Variants in KCTD20 observed in about 807,000 individuals in gnomAD.
KCTD20 encodes BTB/POZ domain-containing protein KCTD20.
A neutral mutation model predicts 39.6 loss-of-function variants in KCTD20; 30 were observed. The observed-to-expected ratio is 0.76, with a 90% CI of 0.57 to 1.03. The LOEUF (loss-of-function observed/expected upper bound fraction) is 1.03. Ranked by LOEUF, KCTD20 falls within the 50% of genes least tolerant of loss-of-function variation. KCTD20 has a pLI of 0.00. For missense variants in KCTD20, 422 were observed against 522.0 expected, an observed-to-expected ratio of 0.81 and a Z score of 1.87; for synonymous variants, 162 against 180.6, an observed-to-expected ratio of 0.90 and a Z score of 0.83.
chr6:36,470,276 G>A lies in KCTD20; in HGVS notation c.160+19G>A. 2 of 1,577,070 alleles carry A rather than the reference G, an allele frequency of 1.3e-6. No individual in the cohort carries two copies. Among genetic ancestry groups the A allele is most frequent in the African/African-American group, 1.4e-5 (1 of 73,944 alleles). On this transcript the variant is annotated intron_variant, in intron 2 of 7. Transcript: ENST00000373731. ...AATGAAGGTACAGTGATTAACTCTT[G>A]ACTTAATTTGGGGGGCTTTCCAATA...
intron 1 of KCTD20, among the ~76,000 whole-genome samples, chr6:36,460,022 G>A (rs576236387): frequency 1.3e-3 from 196 of 152,260 alleles, no homozygotes; most frequent in African/African-American, 4.0e-3. Context: ...TACAGCCTAT[G>A]CAGTTGTTCC....
At chr6:36,449,901 A>G (rs1193307022) in intron 1 of KCTD20, among the ~76,000 whole-genome samples, 1 of 152,180 alleles carries the variant, frequency 6.6e-6, no homozygotes, top group Non-Finnish European at 1.5e-5. Context: ...GCGGTGGCTC[A>G]CGCCTGTAAT....
At chr6:36,452,380 T>C (rs1775281898) in intron 1 of KCTD20, among the ~76,000 whole-genome samples, 1 of 152,168 alleles carries the variant, frequency 6.6e-6, no homozygotes. Context: ...TTCTAATTTT[T>C]CTAAGTCAGT....
At chr6:36,479,764 T>C in intron 5 of KCTD20, 53 bp downstream of exon 5, 1 of 1,462,768 alleles carries the variant, frequency 6.8e-7, no homozygotes, top group East Asian at 2.3e-5. Context: ...CTTTCAGTTT[T>C]CTTGGAAGTC....
At chr6:36,472,825 C>G (rs1178739902) in intron 2 of KCTD20, among the ~76,000 whole-genome samples, 2 of 151,928 alleles carry the variant, frequency 1.3e-5, no homozygotes, top group African/African-American at 4.8e-5. Context: ...TTCTGATTGT[C>G]TTCTATATAC....
At chr6:36,454,402 C>T (rs912520446) in intron 1 of KCTD20, among the ~76,000 whole-genome samples, 5 of 150,330 alleles carry the variant, frequency 3.3e-5, no homozygotes, top group South Asian at 2.1e-4. Flanking sequence ...AGTGCAGTGG[C>T]GTGATCTCAG....
intron 1 of KCTD20, among the ~76,000 whole-genome samples, chr6:36,458,974 A>G (rs2089654465): frequency 6.6e-6 from 1 of 151,860 alleles, no homozygotes; most frequent in Non-Finnish European, 1.5e-5. Context: ...TGACCACTAT[A>G]CTAATGAGGA....
At chr6:36,472,573 T>C (rs1775944759) in intron 2 of KCTD20, among the ~76,000 whole-genome samples, 1 of 150,434 alleles carries the variant, frequency 6.6e-6, no homozygotes, top group Non-Finnish European at 1.5e-5. Context: ...GAAGAAAAGA[T>C]AGAAAAATGT....
rs766717414 is a variant in KCTD20 at position 36,483,263 on chromosome 6, C to CTTTT, written c.857-1432_857-1429dup. 3.0e-3 allele frequency among the ~76,000 whole-genome samples: 227 copies of CTTTT among 76,706 alleles called. 1 individual carries two copies. The highest frequency in any genetic ancestry group is 8.1e-3 in the Middle Eastern group (1 of 124). 50.3% of individuals were successfully genotyped at this position (76,706 alleles called of 152,430 possible). A position where few individuals can be genotyped will look rare whatever the true frequency, so the allele number is the denominator to read the frequency against. The stretch of plus-strand genomic sequence containing the variant: ...CCCCTCACCAAAACAGTGGCTTTTT[C>CTTTT]TTTTTTTTTTTTTTTTTTTTTTGAG... On this transcript the variant is annotated intron_variant, in intron 6 of 7. Transcript: ENST00000373731.
chr6:36,477,857 G>A (rs930778006), intron 3 of KCTD20, among the ~76,000 whole-genome samples: 1 of 148,568 alleles, frequency 6.7e-6, no homozygotes, highest in Non-Finnish European at 1.5e-5. Flanking sequence ...TGTAATCCCA[G>A]CACTTTGGGA....
rs138671010 is a variant in KCTD20 at position 36,468,862 on chromosome 6, AG to A, written c.-46-1188del. Among the ~76,000 whole-genome samples the A allele has an allele frequency of 8.2e-3, 1,248 of 152,320 alleles. 24 individuals carry two copies. The highest frequency in any genetic ancestry group is 0.028 in the African/African-American group (1,167 of 41,570). Reference sequence around the variant, plus strand: ...TATCTCTTTAGCATGATTTATTTTCAGGCATATTCCTCTATCCATCCTATCA... The same window carrying A: ...TATCTCTTTAGCATGATTTATTTTCAGCATATTCCTCTATCCATCCTATCA... On this transcript the variant is annotated intron_variant, in intron 1 of 7. Transcript: ENST00000373731.
intron 1 of KCTD20, among the ~76,000 whole-genome samples, chr6:36,450,106 G>GGC (rs1163893661): frequency 1.3e-5 from 2 of 148,548 alleles, no homozygotes. Flanking sequence ...GGAGCTTGCA[G>GGC]TGAGCCGAGA....
Position 36,475,027 on chromosome 6 carries a change from G to T in KCTD20, c.399G>T (p.Gln133His). The T allele has an allele frequency of 6.2e-7, 1 of 1,614,168 alleles. No individual in the cohort carries two copies. The highest frequency in any genetic ancestry group is 8.5e-7 in the Non-Finnish European group (1 of 1,180,020). Residue 133 changes from glutamine to histidine, a missense_variant, in exon 3 of 8, where the codon CAG becomes CAT. By Grantham distance (24) the Gln-to-His change is conservative. Coordinates refer to ENST00000373731, the MANE Select transcript of KCTD20 (RefSeq NM_173562.5). ...VDGTRFVVNPQIFTAHPDTML... is the reference protein window; with the variant it reads ...VDGTRFVVNPHIFTAHPDTML... ...GCACACGTTTTGTTGTGAATCCACA[G>T]ATTTTCACTGCTCATCCGGATACCA...
intron 2 of KCTD20, among the ~76,000 whole-genome samples, chr6:36,472,768 ACTGC>A (rs1302461735): frequency 6.6e-6 from 1 of 152,050 alleles, no homozygotes; most frequent in Non-Finnish European, 1.5e-5. Flanking sequence ...ACTTGAGGAG[ACTGC>A]CTATTTAAAA....
rs955984859 is a variant in KCTD20 at position 36,483,680 on chromosome 6, A to T, written c.857-1034A>T. On this transcript the variant is annotated intron_variant, in intron 6 of 7. Coordinates refer to ENST00000373731, the MANE Select transcript of KCTD20 (RefSeq NM_173562.5). ...AGGTGTGTGCCACCATGATTGGCTAATTTTTTTTTTAATTTTGTGTAGAAA... is the reference window on the plus strand; with the variant it reads ...AGGTGTGTGCCACCATGATTGGCTATTTTTTTTTTTAATTTTGTGTAGAAA... Among the ~76,000 whole-genome samples the T allele has an allele frequency of 5.3e-5, 8 of 149,802 alleles. No homozygotes were observed. The East Asian group carries it at 1.6e-3, about 29-fold the overall frequency.
chr6:36,475,283 T>C (rs1776030905), intron 3 of KCTD20, among the ~76,000 whole-genome samples: 1 of 151,962 alleles, frequency 6.6e-6, no homozygotes, highest in African/African-American at 2.4e-5. Context: ...CTATCTCTAC[T>C]AAAAATACAA....
At chr6:36,482,678 G>C (rs1776290232) in intron 6 of KCTD20, among the ~76,000 whole-genome samples, 1 of 152,046 alleles carries the variant, frequency 6.6e-6, no homozygotes, top group Non-Finnish European at 1.5e-5. Context: ...AGGCGCAGTG[G>C]CTCATGCCTG....
chr6:36,486,112 G>A (rs1297015865), intron 7 of KCTD20, among the ~76,000 whole-genome samples: 1 of 151,840 alleles, frequency 6.6e-6, no homozygotes, highest in African/African-American at 2.4e-5. Context: ...GTCTCCCTCT[G>A]GCCCAGGCTG....
At chr6:36,453,168 C>T (rs572210074) in intron 1 of KCTD20, among the ~76,000 whole-genome samples, 1 of 151,750 alleles carries the variant, frequency 6.6e-6, no homozygotes, top group Admixed American at 6.6e-5. Flanking sequence ...CCACTACTGC[C>T]TGGCTAATTT....
Sources: allele counts gnomAD v4.1 joint callset (sites outside exome capture counted in the v4.1 genomes callset), GRCh38; gene constraint gnomAD v4.1.1; transcripts MANE v1.5; gene names NCBI Gene and HGNC (gene_info 2026-07-23, HGNC 2026-07-21).